PLAGL2: variants seen among roughly 807,000 people sequenced by gnomAD.
PLAGL2 encodes PLAG1 like zinc finger 2.
PLAGL2 carries 7 observed loss-of-function variants against 29.0 expected under a neutral mutation model. That is an observed-to-expected ratio of 0.24 (90% confidence interval 0.14 to 0.45). PLAGL2 has a LOEUF of 0.45. Ranked by LOEUF, PLAGL2 falls within the 20% of genes least tolerant of loss-of-function variation. PLAGL2 has a pLI of 0.99. For synonymous variants in PLAGL2, 234 were observed against 266.0 expected, an observed-to-expected ratio of 0.88 and a Z score of 1.17; for missense variants, 454 against 648.2, an observed-to-expected ratio of 0.70 and a Z score of 3.25.
rs2047217061 is a variant in PLAGL2 at position 32,194,339 on chromosome 20, C to T, written c.*2113G>A. On this transcript the variant is annotated 3_prime_UTR_variant, in exon 3 of 3. Transcript: ENST00000246229. ...ATAATACAAGTCCCAATAACATGCA[C>T]AGCATGCAGGAGGTGGCTGCGTACC... 1 of 152,240 alleles carries T rather than the reference C, an allele frequency of 6.6e-6. No individual in the cohort carries two copies. The highest frequency in any genetic ancestry group is 2.4e-5 in the African/African-American group (1 of 41,446). 9.4% of individuals were successfully genotyped at this position (152,240 alleles called of 1,614,324 possible).
intron 1 of PLAGL2, among the ~76,000 whole-genome samples, chr20:32,205,194 G>C (rs954061561): frequency 6.6e-5 from 10 of 152,072 alleles, no homozygotes; most frequent in African/African-American, 2.4e-4. Context: ...CTGAGGTCTC[G>C]GCTGTGTCTG....
rs1298339563 is a variant in PLAGL2 at position 32,192,927 on chromosome 20, T to G, written c.*3525A>C. On this transcript the variant is annotated 3_prime_UTR_variant, in exon 3 of 3. Coordinates refer to ENST00000246229, the MANE Select transcript of PLAGL2 (RefSeq NM_002657.3). ...ACTGGAATTTTTCCAAACCCCTCTA[T>G]GGAGGCACTAGGTTATCATGGTGAA... The G allele has an allele frequency of 1.3e-5, 2 of 152,586 alleles. No individual in the cohort carries two copies. Among genetic ancestry groups the G allele is most frequent in the Non-Finnish European group, 2.9e-5 (2 of 68,044 alleles). 9.5% of individuals were successfully genotyped at this position (152,586 alleles called of 1,614,324 possible). A position where few individuals can be genotyped will look rare whatever the true frequency, so the allele number is the denominator to read the frequency against.
rs2047207653 is a variant in PLAGL2 at position 32,192,816 on chromosome 20, T to A, written c.*3636A>T. 6.6e-6 allele frequency: 1 copy of A among 152,560 alleles called. No homozygotes were observed. 9.5% of individuals were successfully genotyped at this position (152,560 alleles called of 1,614,324 possible). ...AGGGAGGGAGAAGCATGAGAAGTGG[T>A]GTCTCAGGAGTTCTAGTGCCAAAGG... On this transcript the variant is annotated 3_prime_UTR_variant, in exon 3 of 3. Coordinates refer to ENST00000246229, the MANE Select transcript of PLAGL2 (RefSeq NM_002657.3).
chr20:32,204,849 T>C (rs2047277980), intron 1 of PLAGL2, among the ~76,000 whole-genome samples: 1 of 152,232 alleles, frequency 6.6e-6, no homozygotes, highest in African/African-American at 2.4e-5. Flanking sequence ...TTAACAACTA[T>C]AGACTATAGA....
Position 32,196,514 on chromosome 20 carries a change from G to A in PLAGL2, c.1429C>T (p.Pro477Ser), listed in dbSNP as rs1339100730. ...LNFGPLHSLP[P>S]VFTSGLSSTT... is the part of the protein sequence containing the mutation. Reference sequence around the variant, plus strand: ...CTACTCAGGCCAGACGTGAAGACAGGAGGCAAGGAGTGCAGAGGCCCAAAG... The same window carrying A: ...CTACTCAGGCCAGACGTGAAGACAGAAGGCAAGGAGTGCAGAGGCCCAAAG... The change falls in exon 3 of 3, where the codon CCT (proline) becomes TCT (serine). Residue 477 changes from proline to serine, a missense_variant. By Grantham distance (74) the Pro-to-Ser change is moderately conservative. Coordinates refer to ENST00000246229, the MANE Select transcript of PLAGL2 (RefSeq NM_002657.3). The A allele has an allele frequency of 6.6e-7, 1 of 1,521,676 alleles. No individual in the cohort carries two copies. The highest frequency in any genetic ancestry group is 8.8e-7 in the Non-Finnish European group (1 of 1,137,970). The allele number at this position is 1,521,676 out of a possible 1,614,324, so 94.3% of individuals were successfully genotyped here.
Position 32,196,972 on chromosome 20 carries a change from C to T in PLAGL2, c.971G>A (p.Ser324Asn). 6.2e-7 allele frequency: 1 copy of T among 1,614,226 alleles called. No homozygotes were observed. Among genetic ancestry groups the T allele is most frequent in the South Asian group, 1.1e-5 (1 of 91,082 alleles). ...LVHNTLPMGM[S>N]YPLESSPISS... ...GATAGGTGAGGATTCCAGAGGGTAG[C>T]TCATACCCATGGGCAGCGTGTTGTG... The change falls in exon 3 of 3, where the codon AGC (serine) becomes AAC (asparagine). Residue 324 changes from serine (S) to asparagine (N), a missense_variant. Physicochemically the swap from Ser to Asn is conservative, Grantham distance 46 (BLOSUM62 1). This residue lies in a region of PLAGL2 where 247 missense variants were observed against 350.3 expected (regional missense o/e 0.71). Coordinates refer to ENST00000246229, the MANE Select transcript of PLAGL2 (RefSeq NM_002657.3).
chr20:32,198,054 A>C (rs1453074836), intron 2 of PLAGL2, among the ~76,000 whole-genome samples: 1 of 152,242 alleles, frequency 6.6e-6, no homozygotes, highest in Non-Finnish European at 1.5e-5. Context: ...GTAGAAAAAA[A>C]GCAAGGAGGC....
rs1416146306 is a variant in PLAGL2 at position 32,197,019 on chromosome 20, C to A, written c.924G>T (p.Thr308=). 6.2e-7 allele frequency: 1 copy of A among 1,614,172 alleles called. No homozygotes were observed. The highest frequency in any genetic ancestry group is 8.5e-7 in the Non-Finnish European group (1 of 1,180,012). ...YGAHIPTMPS[T]GVPHSLVHNT... The stretch of plus-strand genomic sequence containing the variant: ...TGTGCACCAGGGAGTGTGGCACGCC[C>A]GTGCTGGGCATGGTAGGGATGTGGG... Residue 308 remains threonine, a synonymous_variant, in exon 3 of 3, where the codon ACG becomes ACT. Transcript: ENST00000246229. This position sits in a 1 kb window ranked among gnomAD's most constrained non-coding sequence, Gnocchi z 6.6.
chr20:32,198,497 G>A (rs1336805737), intron 2 of PLAGL2, among the ~76,000 whole-genome samples: 1 of 152,044 alleles, frequency 6.6e-6, no homozygotes, highest in African/African-American at 2.4e-5. Flanking sequence ...ACCATTAGAT[G>A]GGCATGGCAG....
At chr20:32,207,575 C>A (rs1028465419) in intron 1 of PLAGL2, 66 bp downstream of exon 1, 1 of 153,754 alleles carries the variant, frequency 6.5e-6, no homozygotes, top group Non-Finnish European at 1.4e-5. Flanking sequence ...ACAGGGCGCG[C>A]GGACGCAGCG....
intron 1 of PLAGL2, among the ~76,000 whole-genome samples, chr20:32,204,673 GTC>G (rs1202758377): frequency 6.6e-6 from 1 of 152,194 alleles, no homozygotes; most frequent in Admixed American, 6.5e-5. Flanking sequence ...TGGGGATCTA[GTC>G]TCTCTCTGCC....
rs1370451855 is a variant in PLAGL2 at position 32,192,924 on chromosome 20, C to G, written c.*3528G>C. On this transcript the variant is annotated 3_prime_UTR_variant, in exon 3 of 3. Coordinates refer to ENST00000246229, the MANE Select transcript of PLAGL2 (RefSeq NM_002657.3). ...CGGACTGGAATTTTTCCAAACCCCTCTATGGAGGCACTAGGTTATCATGGT... is the reference window on the plus strand; with the variant it reads ...CGGACTGGAATTTTTCCAAACCCCTGTATGGAGGCACTAGGTTATCATGGT... 1 of 152,578 alleles carries G rather than the reference C, an allele frequency of 6.6e-6. No homozygotes were observed. Among genetic ancestry groups the G allele is most frequent in the Non-Finnish European group, 1.5e-5 (1 of 68,052 alleles). 9.5% of individuals were successfully genotyped at this position (152,578 alleles called of 1,614,324 possible). A position where few individuals can be genotyped will look rare whatever the true frequency, so the allele number is the denominator to read the frequency against.
At chr20:32,205,698 C>A (rs2047282874) in intron 1 of PLAGL2, among the ~76,000 whole-genome samples, 1 of 152,174 alleles carries the variant, frequency 6.6e-6, no homozygotes, top group Non-Finnish European at 1.5e-5. Flanking sequence ...ACCTCACAGG[C>A]TTGCTGTAAG....
Position 32,201,888 on chromosome 20 carries a change from G to C in PLAGL2, c.260+31C>G, listed in dbSNP as rs1254697364. 3 of 1,591,246 alleles carry C rather than the reference G, an allele frequency of 1.9e-6. No individual in the cohort carries two copies. In the African/African-American group the frequency reaches 4.0e-5, roughly 21 times the overall value. ...CTGCTTTTTCCCTCTGGGAACCTCA[G>C]GGCAGGAAGAGATATGAGAGTGTCA... On this transcript the variant is annotated intron_variant, in intron 2 of 2. Coordinates refer to ENST00000246229, the MANE Select transcript of PLAGL2 (RefSeq NM_002657.3).
Position 32,195,703 on chromosome 20 carries a change from T to G in PLAGL2, c.*749A>C, listed in dbSNP as rs1334055019. ...AAGTCAGCAAGCCCCGACTCCACCT[T>G]GTAAACAGGACTCCAGTTAACACCA... On this transcript the variant is annotated 3_prime_UTR_variant, in exon 3 of 3. Coordinates refer to ENST00000246229, the MANE Select transcript of PLAGL2 (RefSeq NM_002657.3). The G allele has an allele frequency of 6.5e-6, 1 of 152,842 alleles. No individual in the cohort carries two copies. Among genetic ancestry groups the G allele is most frequent in the East Asian group, 1.9e-4 (1 of 5,190 alleles). The allele number at this position is 152,842 out of a possible 1,614,324, so 9.5% of individuals were successfully genotyped here. A position where few individuals can be genotyped will look rare whatever the true frequency, so the allele number is the denominator to read the frequency against.
intron 2 of PLAGL2, among the ~76,000 whole-genome samples, chr20:32,198,791 C>T (rs1222404046): frequency 1.3e-5 from 2 of 152,114 alleles, no homozygotes; most frequent in Non-Finnish European, 2.9e-5. Context: ...AGGAAGGATA[C>T]ACAAAAACCA....
Position 32,196,672 on chromosome 20 carries a change from T to C in PLAGL2, c.1271A>G (p.Asn424Ser), listed in dbSNP as rs763025992. The C allele has an allele frequency of 1.1e-5, 17 of 1,544,154 alleles. No individual in the cohort carries two copies. Among genetic ancestry groups the C allele is most frequent in the South Asian group, 1.3e-5 (1 of 78,778 alleles). ...FSHLLGFLPLNLPPCNPPGAT... is the reference protein window; with the variant it reads ...FSHLLGFLPLSLPPCNPPGAT... The stretch of plus-strand genomic sequence containing the variant: ...CCCAGGTGGGTTACACGGGGGCAGG[T>C]TGAGTGGAAGAAAGCCCAGTAGGTG... Residue 424 changes from asparagine (N) to serine (S), a missense_variant, in exon 3 of 3, where the codon AAC becomes AGC. Coordinates refer to ENST00000246229, the MANE Select transcript of PLAGL2 (RefSeq NM_002657.3).
rs2047232119 is a variant in PLAGL2 at position 32,196,901 on chromosome 20, A to G, written c.1042T>C (p.Ser348Pro). The G allele has an allele frequency of 2.5e-6, 4 of 1,614,098 alleles. No individual in the cohort carries two copies. Among genetic ancestry groups the G allele is most frequent in the Non-Finnish European group, 3.4e-6 (4 of 1,179,946 alleles). ...TTGGGCAATTTGTCGGGCAAGTATG[A>G]GGTAGATCCAAGCTGGTATTTTGGA... Reference protein sequence around the residue: ...LPPKYQLGSTSYLPDKLPKVE... With the variant: ...LPPKYQLGSTPYLPDKLPKVE... Residue 348 changes from serine (S) to proline (P), a missense_variant, in exon 3 of 3, where the codon TCA becomes CCA. Coordinates refer to ENST00000246229, the MANE Select transcript of PLAGL2 (RefSeq NM_002657.3).
chr20:32,205,567 C>T (rs2047282110), intron 1 of PLAGL2, among the ~76,000 whole-genome samples: 1 of 152,168 alleles, frequency 6.6e-6, no homozygotes. Context: ...CTGTTATGGG[C>T]CATGATGCCT....
Sources: allele counts gnomAD v4.1 joint callset (sites outside exome capture counted in the v4.1 genomes callset), GRCh38; gene constraint gnomAD v4.1.1; regional missense constraint gnomAD v4.1.1; non-coding constraint Gnocchi (gnomAD v3.1); transcripts MANE v1.5; gene names NCBI Gene and HGNC (gene_info 2026-07-23, HGNC 2026-07-21).